RUNDC3B: variants seen among roughly 807,000 people sequenced by gnomAD.
RUNDC3B encodes the protein RUN domain containing 3B.
Under a neutral mutation model 58.4 loss-of-function variants are expected in RUNDC3B, and 33 were observed. The observed-to-expected ratio is 0.56, with a 90% CI of 0.43 to 0.75. The LOEUF is 0.75. Among genes scored for constraint, RUNDC3B ranks in the 30% least tolerant of loss-of-function variants. The probability of loss-of-function intolerance (pLI) is 0.00; values close to 1 mark genes in which losing one functional copy is unlikely to be tolerated. For missense variants in RUNDC3B, 501 were observed against 535.7 expected, an observed-to-expected ratio of 0.94 and a Z score of 0.64; for synonymous variants, 193 against 195.2, an observed-to-expected ratio of 0.99 and a Z score of 0.10.
intron 2 of RUNDC3B, among the ~76,000 whole-genome samples, chr7:87,668,005 G>A (rs183749981): frequency 6.6e-6 from 1 of 152,186 alleles, no homozygotes; most frequent in Admixed American, 6.6e-5. Context: ...CTTAGAGAAT[G>A]AGGTGGGGAG....
At chr7:87,701,695 G>A (rs937415211) in intron 3 of RUNDC3B, among the ~76,000 whole-genome samples, 7 of 152,136 alleles carry the variant, frequency 4.6e-5, no homozygotes, top group Admixed American at 6.5e-5. Context: ...TATCTGAAAA[G>A]ACTATTAAAA....
rs192154174 is a variant in RUNDC3B at position 87,723,034 on chromosome 7, G to A, written c.458+12379G>A. 2.9e-4 allele frequency among the ~76,000 whole-genome samples: 44 copies of A among 152,114 alleles called. 1 individual carries two copies. Among genetic ancestry groups the A allele is most frequent in the East Asian group, 1.9e-3 (10 of 5,180 alleles). ...TTCTCACAGTTGTCAATGATAATGT[G>A]AATAATAATGGATTCCTTTTAACAA... On this transcript the variant is annotated intron_variant, in intron 4 of 10. Transcript: ENST00000394654.
At position 87,725,322 on chromosome 7, in the gene RUNDC3B, T is replaced by G. The variant is rs143496930; in HGVS notation, c.459-14469T>G. Among the ~76,000 whole-genome samples the G allele has an allele frequency of 7.1e-3, 1,084 of 152,268 alleles. 32 individuals are homozygous for G. The highest frequency in any genetic ancestry group is 0.061 in the Admixed American group (927 of 15,292). On this transcript the variant is annotated intron_variant, in intron 4 of 10. Transcript: ENST00000394654. ...ATTCTCATTGTTCAATTCGCACCTA[T>G]AAGTGAGAACATGCGGTGTTTGGTT...
chr7:87,700,404 C>T lies in RUNDC3B; in HGVS notation c.239-17C>T. ...TTTTACTTTTTAAAATTTTATATCG[C>T]AATTTGTCTCCTGAAGGTCAAGTAA... On this transcript the variant is annotated splice_polypyrimidine_tract_variant and intron_variant, in intron 2 of 10. Transcript: ENST00000394654. 2 of 1,567,052 alleles carry T rather than the reference C, an allele frequency of 1.3e-6. No homozygotes were observed. Among genetic ancestry groups the T allele is most frequent in the Non-Finnish European group, 1.7e-6 (2 of 1,161,420 alleles).
chr7:87,702,142 CAAAAAAAA>C (rs146127516), intron 3 of RUNDC3B, among the ~76,000 whole-genome samples: 2 of 16,774 alleles, frequency 1.2e-4, no homozygotes, highest in East Asian at 2.6e-3. Flanking sequence ...GACTCTGTCT[CAAAAAAAA>C]AAAAAAAAAA....
intron 4 of RUNDC3B, among the ~76,000 whole-genome samples, chr7:87,724,005 TGAGCCCAGGAGTTG>T (rs1831062508): frequency 6.6e-6 from 1 of 152,190 alleles, no homozygotes; most frequent in Admixed American, 6.6e-5. Context: ...GAGAACCATT[TGAGCCCAGGAGTTG>T]GAGACCAGCC....
At chr7:87,772,913 G>A (rs537170724) in intron 7 of RUNDC3B, among the ~76,000 whole-genome samples, 1 of 151,756 alleles carries the variant, frequency 6.6e-6, no homozygotes, top group African/African-American at 2.4e-5. Context: ...AAACTAGGGG[G>A]ATAAATATAC....
intron 2 of RUNDC3B, among the ~76,000 whole-genome samples, chr7:87,685,190 G>A (rs780855316): frequency 4.6e-5 from 7 of 152,092 alleles, no homozygotes; most frequent in Non-Finnish European, 5.9e-5. Flanking sequence ...TCACATGTTT[G>A]ACAAAGGGAT....
intron 4 of RUNDC3B, among the ~76,000 whole-genome samples, chr7:87,722,079 C>A (rs1212467346): frequency 1.3e-5 from 2 of 151,340 alleles, no homozygotes; most frequent in African/African-American, 2.4e-5. Context: ...CCTGTCTTTC[C>A]TTTAATTTTT....
At chr7:87,686,046 T>C (rs942767777) in intron 2 of RUNDC3B, among the ~76,000 whole-genome samples, 6 of 152,204 alleles carry the variant, frequency 3.9e-5, no homozygotes, top group Non-Finnish European at 7.3e-5. Flanking sequence ...TTCTCTGCTT[T>C]GGAAATGAAT....
chr7:87,766,033 AT>A (rs1833958923), intron 6 of RUNDC3B, among the ~76,000 whole-genome samples: 1 of 152,144 alleles, frequency 6.6e-6, no homozygotes, highest in African/African-American at 2.4e-5. Context: ...CAAACCCTTT[AT>A]CATTATATAA....
intron 10 of RUNDC3B, among the ~76,000 whole-genome samples, chr7:87,821,512 A>G (rs1837435453): frequency 6.6e-6 from 1 of 152,294 alleles, no homozygotes; most frequent in African/African-American, 2.4e-5. Flanking sequence ...GCTACCAATG[A>G]CTTTCTTCAC....
intron 1 of RUNDC3B, chr7:87,629,152 C>T (rs1820942398): frequency 4.7e-6 from 2 of 421,982 alleles, no homozygotes; most frequent in Admixed American, 4.4e-5. Context: ...TGTGTCAGTT[C>T]CAGTGCTGAA....
intron 2 of RUNDC3B, among the ~76,000 whole-genome samples, chr7:87,661,254 A>G (rs1292873308): frequency 6.6e-6 from 1 of 151,890 alleles, no homozygotes; most frequent in Non-Finnish European, 1.5e-5. Flanking sequence ...ATTTTTTTGC[A>G]TTACAAACAA....
At chr7:87,822,593 G>A (rs1425978883) in intron 10 of RUNDC3B, among the ~76,000 whole-genome samples, 2 of 152,208 alleles carry the variant, frequency 1.3e-5, no homozygotes, top group Non-Finnish European at 2.9e-5. Context: ...GCACACATAT[G>A]TTTATAGCGG....
At chr7:87,759,070 G>A (rs1833536148) in intron 6 of RUNDC3B, among the ~76,000 whole-genome samples, 1 of 152,188 alleles carries the variant, frequency 6.6e-6, no homozygotes, top group Non-Finnish European at 1.5e-5. Flanking sequence ...TAGCTAAGAT[G>A]TGGGATCATA....
At chr7:87,789,231 G>T (rs1227996381) in intron 8 of RUNDC3B, among the ~76,000 whole-genome samples, 1 of 152,204 alleles carries the variant, frequency 6.6e-6, no homozygotes, top group South Asian at 2.1e-4. Flanking sequence ...GTTAGCTGAT[G>T]AATGTTTTTT....
At chr7:87,664,459 A>C (rs1825031843) in intron 2 of RUNDC3B, among the ~76,000 whole-genome samples, 1 of 152,204 alleles carries the variant, frequency 6.6e-6, no homozygotes, top group African/African-American at 2.4e-5. Flanking sequence ...CAGATGTTGG[A>C]ATAATCAGGC....
intron 2 of RUNDC3B, among the ~76,000 whole-genome samples, chr7:87,690,351 G>A (rs763476408): frequency 4.2e-4 from 64 of 151,712 alleles, no homozygotes; most frequent in Non-Finnish European, 4.3e-4. Flanking sequence ...TTTCTTTAAA[G>A]TTATGACTTT....
Sources: allele counts gnomAD v4.1 joint callset (sites outside exome capture counted in the v4.1 genomes callset), GRCh38; gene constraint gnomAD v4.1.1; transcripts MANE v1.5; gene names NCBI Gene and HGNC (gene_info 2026-07-23, HGNC 2026-07-21).